The following TMSB15B variants were observed in gnomAD, a reference collection of about 807,000 sequenced individuals.
The protein encoded by TMSB15B is thymosin beta 15B, also known as thymosin beta-15B.
At chrX:103,947,677 G>A (rs1215260608) in intron 1 of TMSB15B, among the ~76,000 whole-genome samples, 3 of 111,638 alleles carry the variant, frequency 2.7e-5, no homozygotes, top group African/African-American at 9.8e-5. Flanking sequence ...AAGAAGACCA[G>A]CAACAGATTT....
intron 1 of TMSB15B, among the ~76,000 whole-genome samples, chrX:103,939,742 G>T (rs2075007685): frequency 8.9e-6 from 1 of 111,856 alleles, no homozygotes; most frequent in Non-Finnish European, 1.9e-5. Flanking sequence ...AGGCATTCTG[G>T]TTTTTGGACT....
intron 1 of TMSB15B, among the ~76,000 whole-genome samples, chrX:103,936,135 C>T (rs782432353): frequency 6.9e-4 from 77 of 111,152 alleles, no homozygotes; most frequent in Non-Finnish European, 1.2e-3. Context: ...CATGAGTCAC[C>T]GCGCCCAGCT....
chrX:103,927,298 T>C (rs2074970991), intron 1 of TMSB15B, among the ~76,000 whole-genome samples: 1 of 112,149 alleles, frequency 8.9e-6, no homozygotes, highest in Admixed American at 9.5e-5. Context: ...CCAGGAAGCC[T>C]CTGAATATCC....
chrX:103,936,997 C>G (rs1315405405), intron 1 of TMSB15B, among the ~76,000 whole-genome samples: 3 of 112,125 alleles, frequency 2.7e-5, no homozygotes, highest in African/African-American at 9.7e-5. Context: ...GTTGAACCAG[C>G]CTTGCATCCC....
intron 1 of TMSB15B, among the ~76,000 whole-genome samples, chrX:103,949,237 T>C (rs1556327916): frequency 8.9e-6 from 1 of 111,892 alleles, no homozygotes; most frequent in African/African-American, 3.2e-5. Context: ...CTGCAGGGAC[T>C]TTGACTCTGA....
intron 1 of TMSB15B, among the ~76,000 whole-genome samples, chrX:103,945,856 C>T (rs2075024209): frequency 8.9e-6 from 1 of 111,770 alleles, no homozygotes; most frequent in Non-Finnish European, 1.9e-5. Flanking sequence ...GGAAAAATAA[C>T]CCATTCATGA....
At chrX:103,955,591 G>GA (rs1319535742) in intron 1 of TMSB15B, among the ~76,000 whole-genome samples, 1 of 110,464 alleles carries the variant, frequency 9.1e-6, no homozygotes, top group African/African-American at 3.3e-5. Context: ...TAAGAATATA[G>GA]AAAAAAAGAA....
intron 1 of TMSB15B, chrX:103,928,426 CCACA>C (rs1279563470): frequency 2.1e-5 from 25 of 1,205,640 alleles, no homozygotes; most frequent in Non-Finnish European, 2.7e-5. Context: ...TCCTGTTGGG[CCACA>C]CACCCTGGGA....
At chrX:103,953,338 C>A (rs1472294439) in intron 1 of TMSB15B, among the ~76,000 whole-genome samples, 1 of 112,112 alleles carries the variant, frequency 8.9e-6, no homozygotes, top group East Asian at 2.8e-4. Flanking sequence ...GCTATCCGGG[C>A]ATCCTAGCAA....
At chrX:103,948,779 G>A (rs782575788) in intron 1 of TMSB15B, among the ~76,000 whole-genome samples, 77 of 112,504 alleles carry the variant, frequency 6.8e-4, no homozygotes, top group African/African-American at 2.3e-3. Flanking sequence ...AATCTTTATT[G>A]TAGGCACAAT....
chrX:103,931,175 G>A (rs1418525811), intron 1 of TMSB15B: 1 of 111,642 alleles, frequency 9.0e-6, no homozygotes, highest in African/African-American at 3.3e-5. Flanking sequence ...AAATCGGGAT[G>A]TGTTGGAACA....
chrX:103,927,511 G>T (rs1164567463), intron 1 of TMSB15B, among the ~76,000 whole-genome samples: 2 of 111,680 alleles, frequency 1.8e-5, no homozygotes, highest in Non-Finnish European at 3.8e-5. Context: ...GGGGGACTGG[G>T]CATAGCCATG....
chrX:103,940,914 G>A (rs2075011056), intron 1 of TMSB15B, among the ~76,000 whole-genome samples: 1 of 111,365 alleles, frequency 9.0e-6, no homozygotes, highest in Non-Finnish European at 1.9e-5. Context: ...GGGCCAGATA[G>A]CACAGTCCCT....
chrX:103,951,935 C>T (rs1270989753), intron 1 of TMSB15B, among the ~76,000 whole-genome samples: 6 of 110,886 alleles, frequency 5.4e-5, no homozygotes, highest in Admixed American at 9.6e-5. Context: ...ACAGAGGGGT[C>T]CCCAAAATTA....
chrX:103,928,125 AGG>A, intron 1 of TMSB15B: 8 of 1,133,290 alleles, frequency 7.1e-6, no homozygotes, highest in Non-Finnish European at 9.6e-6. Context: ...TCTCCCAGGA[AGG>A]AGCTTCAGCA....
chrX:103,956,101 A>G (rs1258848523), intron 1 of TMSB15B, among the ~76,000 whole-genome samples: 1 of 77,513 alleles, frequency 1.3e-5, no homozygotes, highest in African/African-American at 4.9e-5. Context: ...ATGCTGAGGG[A>G]ATTTGTTACC....
At chrX:103,955,288 G>C (rs2075048635) in intron 1 of TMSB15B, among the ~76,000 whole-genome samples, 1 of 110,945 alleles carries the variant, frequency 9.0e-6, no homozygotes, top group South Asian at 3.8e-4. Context: ...CAAGGGTTTG[G>C]AACCAGGCTG....
At chrX:103,934,171 C>T (rs2074991539) in intron 1 of TMSB15B, among the ~76,000 whole-genome samples, 1 of 110,851 alleles carries the variant, frequency 9.0e-6, no homozygotes. Context: ...CTCTGTTAAC[C>T]ACAGTTCTAC....
At chrX:103,927,942 G>A (rs1556319179) in intron 1 of TMSB15B, among the ~76,000 whole-genome samples, 3 of 112,026 alleles carry the variant, frequency 2.7e-5, no homozygotes, top group African/African-American at 6.5e-5. Flanking sequence ...TCAGAAACTG[G>A]CTCAAAGAGT....
Sources: allele counts gnomAD v4.1 joint callset (sites outside exome capture counted in the v4.1 genomes callset), GRCh38; gene constraint gnomAD v4.1.1; transcripts MANE v1.5; gene names NCBI Gene and HGNC (gene_info 2026-07-23, HGNC 2026-07-21).